Variants in MAN1A1 observed in about 807,000 individuals in gnomAD.
The protein encoded by MAN1A1 is mannosyl-oligosaccharide 1,2-alpha-mannosidase IA.
MAN1A1 carries 29 observed loss-of-function variants against 70.8 expected under a neutral mutation model. The observed-to-expected ratio is 0.41, with a 90% CI of 0.31 to 0.56. The LOEUF (loss-of-function observed/expected upper bound fraction) is 0.56, where lower values mean the gene tolerates loss of function less well. Ranked by LOEUF, MAN1A1 falls within the 20% of genes least tolerant of loss-of-function variation. MAN1A1 has a pLI of 0.29. For missense variants in MAN1A1, 747 were observed against 841.3 expected, an observed-to-expected ratio of 0.89 and a Z score of 1.39; for synonymous variants, 349 against 330.1, an observed-to-expected ratio of 1.06 and a Z score of -0.62.
chr6:119,231,572 C>T (rs1774677628), intron 6 of MAN1A1, among the ~76,000 whole-genome samples: 1 of 152,108 alleles, frequency 6.6e-6, no homozygotes, highest in Non-Finnish European at 1.5e-5. Context: ...CTAGAGAAGC[C>T]TCCTCAAGGC....
chr6:119,260,442 C>T (rs936554438), intron 5 of MAN1A1, among the ~76,000 whole-genome samples: 1 of 152,200 alleles, frequency 6.6e-6, no homozygotes, highest in Non-Finnish European at 1.5e-5. Flanking sequence ...CATCCCTGTA[C>T]ATACTTATTT....
chr6:119,288,372 G>A (rs1354489322), intron 5 of MAN1A1, among the ~76,000 whole-genome samples: 1 of 151,890 alleles, frequency 6.6e-6, no homozygotes, highest in Non-Finnish European at 1.5e-5. Flanking sequence ...TCTGATCTAT[G>A]TAAAAAGTGT....
At chr6:119,235,201 G>A (rs1269462480) in intron 6 of MAN1A1, among the ~76,000 whole-genome samples, 1 of 152,118 alleles carries the variant, frequency 6.6e-6, no homozygotes, top group South Asian at 2.1e-4. Context: ...AGTGAGAATC[G>A]CATGCCTCTC....
At chr6:119,329,706 T>A (rs528397091) in intron 2 of MAN1A1, among the ~76,000 whole-genome samples, 1 of 152,296 alleles carries the variant, frequency 6.6e-6, no homozygotes, top group East Asian at 1.9e-4. Context: ...ATTCTGTTTC[T>A]TTACTCAGCC....
At chr6:119,263,325 G>A (rs931128866) in intron 5 of MAN1A1, among the ~76,000 whole-genome samples, 13 of 151,854 alleles carry the variant, frequency 8.6e-5, no homozygotes, top group African/African-American at 1.7e-4. Flanking sequence ...CTCTAAGAGC[G>A]CCCTAACTAA....
At position 119,236,662 on chromosome 6, in the gene MAN1A1, C is replaced by T. The variant is rs186469971; in HGVS notation, c.992+11598G>A. Among the ~76,000 whole-genome samples, 110 of 141,370 alleles carry T rather than the reference C, an allele frequency of 7.8e-4. No homozygotes were observed. The East Asian group carries it at 0.016, about 21-fold the overall frequency. The allele number at this position is 141,370 out of a possible 152,430, so 92.7% of individuals were successfully genotyped here. On this transcript the variant is annotated intron_variant, in intron 6 of 12. Coordinates refer to ENST00000368468, the MANE Select transcript of MAN1A1 (RefSeq NM_005907.4). ...GGTGGAGGTTGCAGTGAGTCAAGAT[C>T]GTGACACTGCACTCCAGCCTGGGCG...
At chr6:119,231,414 C>A (rs990752792) in intron 6 of MAN1A1, among the ~76,000 whole-genome samples, 1 of 152,154 alleles carries the variant, frequency 6.6e-6, no homozygotes, top group Non-Finnish European at 1.5e-5. Flanking sequence ...CCTTTGCCTT[C>A]CACCATGATT....
At chr6:119,309,869 T>A (rs1304370210) in intron 2 of MAN1A1, among the ~76,000 whole-genome samples, 2 of 137,820 alleles carry the variant, frequency 1.5e-5, no homozygotes, top group Non-Finnish European at 3.3e-5. Context: ...AAGAAAAGAT[T>A]CTTTGATTTG....
intron 5 of MAN1A1, among the ~76,000 whole-genome samples, chr6:119,253,140 A>G (rs563244072): frequency 6.6e-6 from 1 of 152,220 alleles, no homozygotes; most frequent in East Asian, 1.9e-4. Context: ...TGGATTTTAT[A>G]TGACAACCAG....
At chr6:119,249,633 C>T (rs1045584474) in intron 5 of MAN1A1, among the ~76,000 whole-genome samples, 9 of 152,032 alleles carry the variant, frequency 5.9e-5, no homozygotes, top group African/African-American at 1.2e-4. Flanking sequence ...CTAAAGCAAT[C>T]GACAAAGAAG....
chr6:119,344,424 A>C (rs1773675102), intron 2 of MAN1A1, among the ~76,000 whole-genome samples: 1 of 152,212 alleles, frequency 6.6e-6, no homozygotes, highest in Admixed American at 6.5e-5. Context: ...CTACTTGTTA[A>C]GGAGAGAAAA....
intron 2 of MAN1A1, among the ~76,000 whole-genome samples, chr6:119,330,930 G>T (rs1195229061): frequency 6.6e-6 from 1 of 152,100 alleles, no homozygotes; most frequent in East Asian, 1.9e-4. Flanking sequence ...TTGTCACAGG[G>T]CCTCCTTACT....
chr6:119,262,359 CAAAT>C (rs1385638326), intron 5 of MAN1A1, among the ~76,000 whole-genome samples: 1 of 151,330 alleles, frequency 6.6e-6, no homozygotes, highest in African/African-American at 2.4e-5. Context: ...ATAATAAAAA[CAAAT>C]AAACAATTCT....
At chr6:119,295,405 T>A (rs1772180227) in intron 4 of MAN1A1, among the ~76,000 whole-genome samples, 1 of 151,854 alleles carries the variant, frequency 6.6e-6, no homozygotes, top group Non-Finnish European at 1.5e-5. Context: ...TTCAGCCAGT[T>A]TCCTTTTGCT....
At chr6:119,338,897 C>T (rs1310387308) in intron 2 of MAN1A1, among the ~76,000 whole-genome samples, 4 of 152,122 alleles carry the variant, frequency 2.6e-5, no homozygotes, top group African/African-American at 7.2e-5. Flanking sequence ...TCCTAACTCT[C>T]GCCTTCAGGA....
At position 119,348,482 on chromosome 6, in the gene MAN1A1, T is replaced by C; in HGVS notation, c.584A>G (p.Lys195Arg). Residue 195 changes from lysine (K) to arginine (R), a missense_variant, in exon 2 of 13, where the codon AAA becomes AGA. Transcript: ENST00000368468. ...REPADAAIRE[K>R]RAKIKEMMKH... ...ACTCACCTCTTTGATCTTTGCCCTT[T>C]TCTCGCGGATGGCGGCGTCGGCGGG... 6.2e-7 allele frequency: 1 copy of C among 1,607,450 alleles called. No homozygotes were observed. Among genetic ancestry groups the C allele is most frequent in the Non-Finnish European group, 8.5e-7 (1 of 1,176,712 alleles).
chr6:119,226,775 A>T (rs1434705315), intron 6 of MAN1A1, among the ~76,000 whole-genome samples: 12 of 152,094 alleles, frequency 7.9e-5, no homozygotes, highest in African/African-American at 2.9e-4. Context: ...GGTTCAAGCG[A>T]TTCTTGTGCC....
intron 5 of MAN1A1, among the ~76,000 whole-genome samples, chr6:119,280,509 T>G (rs560388520): frequency 6.6e-6 from 1 of 152,362 alleles, no homozygotes; most frequent in South Asian, 2.1e-4. Context: ...AGGTATTCAA[T>G]AAGCATCTGC....
At chr6:119,211,244 A>G (rs922626219) in intron 6 of MAN1A1, among the ~76,000 whole-genome samples, 2 of 152,180 alleles carry the variant, frequency 1.3e-5, no homozygotes, top group African/African-American at 2.4e-5. Context: ...CTTTCATTCT[A>G]TGGGTCTGTG....
Sources: allele counts gnomAD v4.1 joint callset (sites outside exome capture counted in the v4.1 genomes callset), GRCh38; gene constraint gnomAD v4.1.1; transcripts MANE v1.5; gene names NCBI Gene and HGNC (gene_info 2026-07-23, HGNC 2026-07-21).